KCNH8: variants seen among roughly 807,000 people sequenced by gnomAD.
KCNH8 encodes potassium voltage-gated channel subfamily H member 8.
KCNH8 carries 70 observed loss-of-function variants against 103.6 expected under a neutral mutation model. The observed-to-expected ratio is 0.68, with a 90% CI of 0.56 to 0.82. The LOEUF (loss-of-function observed/expected upper bound fraction) is 0.82, where lower values mean the gene tolerates loss of function less well. Ranked by LOEUF, KCNH8 falls within the 40% of genes least tolerant of loss-of-function variation. KCNH8 has a pLI of 0.00. For synonymous variants in KCNH8, 498 were observed against 489.4 expected (o/e 1.02, Z -0.23); for missense variants, 1,217 against 1,329.9 (o/e 0.92, Z 1.32).
intron 3 of KCNH8, among the ~76,000 whole-genome samples, chr3:19,337,969 A>C (rs1347263772): frequency 1.3e-5 from 2 of 150,674 alleles, no homozygotes; most frequent in African/African-American, 4.9e-5. Flanking sequence ...AAAAAAAATA[A>C]ACACACACAC....
At chr3:19,325,757 A>T (rs2065414413) in intron 3 of KCNH8, among the ~76,000 whole-genome samples, 1 of 152,192 alleles carries the variant, frequency 6.6e-6, no homozygotes, top group Non-Finnish European at 1.5e-5. Flanking sequence ...CAGTTCAACC[A>T]GTGTGGAAGA....
At chr3:19,239,401 C>T (rs1403548085) in intron 1 of KCNH8, among the ~76,000 whole-genome samples, 5 of 152,176 alleles carry the variant, frequency 3.3e-5, no homozygotes, top group Non-Finnish European at 5.9e-5. Flanking sequence ...TTTCTCTTCT[C>T]ATAGCTCTCT....
rs145221310 is a variant in KCNH8, at chr3:19,215,306, T to A, written c.77-38348T>A. 1.0e-3 allele frequency among the ~76,000 whole-genome samples: 158 copies of A among 152,278 alleles called. 1 individual carries two copies. The highest frequency in any genetic ancestry group is 3.5e-3 in the African/African-American group (145 of 41,550). ...AATCTATGAGTGGGGGCCATAACAG[T>A]TTATTTATAATTTCTGGCACCACAC... On this transcript the variant is annotated intron_variant, in intron 1 of 15. Coordinates refer to ENST00000328405, the MANE Select transcript of KCNH8 (RefSeq NM_144633.3).
intron 1 of KCNH8, among the ~76,000 whole-genome samples, chr3:19,253,378 C>A (rs2064303479): frequency 1.3e-5 from 2 of 151,996 alleles, no homozygotes; most frequent in Admixed American, 1.3e-4. Context: ...TCATCCCTTA[C>A]TGCCAACTAG....
At chr3:19,220,949 T>C (rs1406232030) in intron 1 of KCNH8, among the ~76,000 whole-genome samples, 2 of 152,148 alleles carry the variant, frequency 1.3e-5, no homozygotes, top group Non-Finnish European at 2.9e-5. Context: ...CTTCCCCTAG[T>C]GGGAGCTTTA....
intron 11 of KCNH8, among the ~76,000 whole-genome samples, chr3:19,482,067 G>A (rs1403804252): frequency 6.6e-6 from 1 of 152,158 alleles, no homozygotes; most frequent in East Asian, 1.9e-4. Flanking sequence ...AACTCTAAGG[G>A]TGTCCATGTG....
chr3:19,329,637 C>T lies in KCNH8; in HGVS notation c.443-12950C>T, dbSNP rs185488795. On this transcript the variant is annotated intron_variant, in intron 3 of 15. Transcript: ENST00000328405. ...GTCTTAGCATTCACTTTTGCTATTCCGATCTACAACTGGAAGATACATAAA... is the reference window on the plus strand; with the variant it reads ...GTCTTAGCATTCACTTTTGCTATTCTGATCTACAACTGGAAGATACATAAA... Among the ~76,000 whole-genome samples the T allele has an allele frequency of 1.1e-4, 17 of 152,032 alleles. 1 individual carries two copies. The highest frequency in any genetic ancestry group is 2.2e-4 in the Non-Finnish European group (15 of 67,978).
At chr3:19,390,349 C>T in intron 5 of KCNH8, 132 bp from the exon 6 acceptor site, 3 of 577,224 alleles carry the variant, frequency 5.2e-6, no homozygotes, top group African/African-American at 1.9e-5. Context: ...CTACGATTTT[C>T]TTCCTCCCTT....
chr3:19,266,937 C>T (rs1447898416), intron 2 of KCNH8, among the ~76,000 whole-genome samples: 1 of 152,030 alleles, frequency 6.6e-6, no homozygotes, highest in African/African-American at 2.4e-5. Flanking sequence ...CTCTGTCTTA[C>T]ACAGAGAGAG....
intron 11 of KCNH8, among the ~76,000 whole-genome samples, chr3:19,467,393 A>G (rs2067763509): frequency 1.3e-5 from 2 of 152,200 alleles, no homozygotes; most frequent in Non-Finnish European, 2.9e-5. Flanking sequence ...CATCATTAAC[A>G]GCTGCCATTT....
intron 1 of KCNH8, among the ~76,000 whole-genome samples, chr3:19,161,678 A>T (rs2063235735): frequency 6.6e-6 from 1 of 152,198 alleles, no homozygotes; most frequent in Non-Finnish European, 1.5e-5. Context: ...ATTAAAGATA[A>T]AGGTATTAAT....
intron 11 of KCNH8, among the ~76,000 whole-genome samples, chr3:19,509,499 T>C (rs2068747941): frequency 6.6e-6 from 1 of 152,222 alleles, no homozygotes; most frequent in Admixed American, 6.5e-5. Flanking sequence ...GGACATGTCA[T>C]AATTTCCAGA....
chr3:19,354,611 A>C (rs539169963), intron 5 of KCNH8, among the ~76,000 whole-genome samples: 53 of 152,224 alleles, frequency 3.5e-4, no homozygotes, highest in Non-Finnish European at 6.0e-4. Flanking sequence ...GACAAACCTG[A>C]GAAAAACAAG....
intron 11 of KCNH8, among the ~76,000 whole-genome samples, chr3:19,488,987 G>A (rs2068265959): frequency 1.3e-5 from 2 of 152,290 alleles, no homozygotes; most frequent in East Asian, 1.9e-4. Context: ...GAGGTCAGCA[G>A]AGGTGAAAGG....
intron 4 of KCNH8, among the ~76,000 whole-genome samples, chr3:19,343,200 G>A (rs2065684878): frequency 6.6e-6 from 1 of 151,960 alleles, no homozygotes. Flanking sequence ...AAACACAGTT[G>A]AAAATTTCAC....
intron 1 of KCNH8, among the ~76,000 whole-genome samples, chr3:19,184,418 T>A (rs1219039335): frequency 6.6e-6 from 1 of 151,870 alleles, no homozygotes; most frequent in African/African-American, 2.4e-5. Context: ...GGATAGTGGA[T>A]CAGCTGGGAA....
intron 1 of KCNH8, among the ~76,000 whole-genome samples, chr3:19,170,506 C>T (rs897204574): frequency 6.6e-6 from 1 of 150,708 alleles, no homozygotes; most frequent in Admixed American, 6.6e-5. Context: ...GATCATGACT[C>T]CTCCTTACAC....
intron 3 of KCNH8, among the ~76,000 whole-genome samples, chr3:19,338,775 T>C (rs1198849949): frequency 6.6e-6 from 1 of 152,084 alleles, no homozygotes; most frequent in Non-Finnish European, 1.5e-5. Flanking sequence ...CTTTCATTTT[T>C]TGCTTTTGTA....
intron 5 of KCNH8, among the ~76,000 whole-genome samples, chr3:19,382,903 G>A (rs1377963973): frequency 6.6e-6 from 1 of 152,132 alleles, no homozygotes; most frequent in Non-Finnish European, 1.5e-5. Flanking sequence ...CCTTTGTACA[G>A]AGGGCAGAAC....
Sources: allele counts gnomAD v4.1 joint callset (sites outside exome capture counted in the v4.1 genomes callset), GRCh38; gene constraint gnomAD v4.1.1; transcripts MANE v1.5; gene names NCBI Gene and HGNC (gene_info 2026-07-23, HGNC 2026-07-21).